Variants in SLAIN1 observed in about 807,000 individuals in gnomAD.
SLAIN1 encodes the protein SLAIN motif-containing protein 1.
A neutral mutation model predicts 55.4 loss-of-function variants in SLAIN1; 17 were observed. That is an observed-to-expected ratio of 0.31 (90% CI 0.21 to 0.46). The LOEUF (loss-of-function observed/expected upper bound fraction) is 0.46. SLAIN1 is among the 20% of genes least tolerant of loss of function. SLAIN1 has a pLI of 1.00. For missense variants in SLAIN1, 682 were observed against 785.1 expected (o/e 0.87, Z 1.57); for synonymous variants, 348 against 337.4 (o/e 1.03, Z -0.35).
In SLAIN1 at chr13:77,753,294, T is replaced by C. The variant is rs777327158; in HGVS notation, c.1350T>C (p.Asn450=). The change falls in exon 5 of 7, where the codon AAT becomes AAC. Residue 450 remains asparagine, a synonymous_variant. Coordinates refer to ENST00000418532, the MANE Select transcript of SLAIN1 (RefSeq NM_001242868.2). ...TTAGTTCTCCGGTCACCGTGCGAAA[T>C]AGTCAGAGTTTTGACTCAAGCTTGC... ...SNISSPVTVR[N]SQSFDSSLHG... 1.1e-5 allele frequency: 18 copies of C among 1,612,914 alleles called. No homozygotes were observed. The East Asian group carries it at 4.0e-4, about 36-fold the overall frequency.
At position 77,697,936 on chromosome 13, in the gene SLAIN1, G is replaced by T; in HGVS notation, c.23G>T (p.Cys8Phe). The T allele has an allele frequency of 7.0e-7, 1 of 1,420,852 alleles. No individual in the cohort carries two copies. Among genetic ancestry groups the T allele is most frequent in the Non-Finnish European group, 9.3e-7 (1 of 1,077,708 alleles). 88.0% of individuals were successfully genotyped at this position (1,420,852 alleles called of 1,614,324 possible). ...ACGATGATGGCGGAGCAGGTGAAAT[G>T]CGCCTCGGCAGGGGTCAGCTCTGGA... MMAEQVKCASAGVSSGAG... is the reference protein window; with the variant it reads MMAEQVKFASAGVSSGAG... Residue 8 changes from cysteine to phenylalanine, a missense_variant, in exon 1 of 7, where the codon TGC (cysteine) becomes TTC (phenylalanine). Cys to Phe is a radical substitution (Grantham distance 205). Coordinates refer to ENST00000418532, the MANE Select transcript of SLAIN1 (RefSeq NM_001242868.2).
intron 2 of SLAIN1, among the ~76,000 whole-genome samples, 199 bp downstream of exon 2, chr13:77,719,870 A>T (rs1402718701): frequency 1.3e-5 from 2 of 152,084 alleles, no homozygotes; most frequent in Admixed American, 6.6e-5. Flanking sequence ...GATTTTAGCC[A>T]TATTTTTAGT....
intron 2 of SLAIN1, among the ~76,000 whole-genome samples, chr13:77,731,389 G>A (rs1169413551): frequency 6.6e-6 from 1 of 152,176 alleles, no homozygotes; most frequent in East Asian, 1.9e-4. Flanking sequence ...GCAAATAAGT[G>A]TAGGAGCAAA....
At chr13:77,745,177 A>G (rs936333608) in intron 3 of SLAIN1, among the ~76,000 whole-genome samples, 1 of 152,072 alleles carries the variant, frequency 6.6e-6, no homozygotes, top group East Asian at 1.9e-4. Flanking sequence ...TGGATCTTTG[A>G]ACCTGTAGGT....
intron 1 of SLAIN1, among the ~76,000 whole-genome samples, chr13:77,707,842 G>A (rs963060206): frequency 1.3e-5 from 2 of 152,186 alleles, no homozygotes; most frequent in African/African-American, 4.8e-5. Context: ...AGTTTGGTGT[G>A]CCTGAAGTCA....
intron 4 of SLAIN1, among the ~76,000 whole-genome samples, chr13:77,748,047 T>G (rs1406335257): frequency 6.6e-5 from 10 of 152,162 alleles, no homozygotes; most frequent in Non-Finnish European, 1.5e-4. Flanking sequence ...TTCTCAAAGC[T>G]GGGTCCAGAT....
intron 1 of SLAIN1, among the ~76,000 whole-genome samples, chr13:77,710,170 C>A (rs1325807743): frequency 1.3e-5 from 2 of 152,178 alleles, no homozygotes; most frequent in Non-Finnish European, 2.9e-5. Flanking sequence ...ACCACATCAA[C>A]TAATGGGCAA....
chr13:77,757,907 T>G (rs9600926), intron 5 of SLAIN1, among the ~76,000 whole-genome samples: 1 of 152,144 alleles, frequency 6.6e-6, no homozygotes, highest in African/African-American at 2.4e-5. Flanking sequence ...TGAATGTGTC[T>G]TTTTTTCAAA....
intron 2 of SLAIN1, chr13:77,741,682 T>C (rs1873452439): frequency 6.6e-6 from 1 of 152,498 alleles, no homozygotes; most frequent in African/African-American, 2.4e-5. Context: ...ACTTGGTGTT[T>C]TGCAAGGATC....
chr13:77,757,189 C>T (rs1015314443), intron 5 of SLAIN1, among the ~76,000 whole-genome samples: 2 of 152,070 alleles, frequency 1.3e-5, no homozygotes, highest in Non-Finnish European at 2.9e-5. Context: ...CTATTATTAA[C>T]ATCTTGTGTT....
At chr13:77,747,381 C>T (rs1873911949) in intron 4 of SLAIN1, among the ~76,000 whole-genome samples, 1 of 152,106 alleles carries the variant, frequency 6.6e-6, no homozygotes, top group African/African-American at 2.4e-5. Flanking sequence ...AAACGCACAG[C>T]CTCAAGAAAA....
intron 2 of SLAIN1, among the ~76,000 whole-genome samples, chr13:77,728,361 G>A (rs1489286793): frequency 6.6e-6 from 1 of 152,122 alleles, no homozygotes; most frequent in Non-Finnish European, 1.5e-5. Flanking sequence ...CCAAAATGTG[G>A]CTCAGTTAAT....
chr13:77,755,005 G>A (rs764368126), intron 5 of SLAIN1, among the ~76,000 whole-genome samples: 6 of 152,190 alleles, frequency 3.9e-5, no homozygotes, highest in Non-Finnish European at 5.9e-5. Flanking sequence ...AAACCGAGAG[G>A]ACTAACAACT....
intron 2 of SLAIN1, among the ~76,000 whole-genome samples, chr13:77,723,937 A>T (rs1039456111): frequency 1.3e-5 from 2 of 151,706 alleles, no homozygotes; most frequent in African/African-American, 4.9e-5. Context: ...GAGATTAAAA[A>T]AAAAAAAAAA....
chr13:77,743,559 A>G (rs1873602319), intron 2 of SLAIN1: 1 of 153,190 alleles, frequency 6.5e-6, no homozygotes, highest in Non-Finnish European at 1.5e-5. Context: ...GAAAATAGTC[A>G]TAGTGGCTTT....
At chr13:77,762,417 A>G (rs896341150) in intron 6 of SLAIN1, among the ~76,000 whole-genome samples, 1 of 152,032 alleles carries the variant, frequency 6.6e-6, no homozygotes, top group Admixed American at 6.6e-5. Flanking sequence ...TTTTTATTTT[A>G]TCTATTCTTT....
intron 2 of SLAIN1, among the ~76,000 whole-genome samples, chr13:77,721,362 C>G (rs2154409734): frequency 6.6e-6 from 1 of 152,246 alleles, no homozygotes; most frequent in South Asian, 2.1e-4. Flanking sequence ...TATAAATTAC[C>G]CAGTCTCAGG....
intron 2 of SLAIN1, among the ~76,000 whole-genome samples, chr13:77,735,647 C>T (rs529284186): frequency 3.0e-4 from 45 of 152,216 alleles, no homozygotes; most frequent in African/African-American, 9.9e-4. Context: ...TTAAGTGTAT[C>T]TATGCTTCTA....
At chr13:77,731,172 T>C (rs1381400824) in intron 2 of SLAIN1, among the ~76,000 whole-genome samples, 1 of 152,116 alleles carries the variant, frequency 6.6e-6, no homozygotes, top group Non-Finnish European at 1.5e-5. Context: ...AAAAAAGCCA[T>C]GCACCTAGAT....
Sources: gnomAD v4.1 joint callset for allele counts (sites outside exome capture counted in the v4.1 genomes callset) on GRCh38, gnomAD v4.1.1 for gene constraint, MANE v1.5 for transcripts, NCBI Gene and HGNC (gene_info 2026-07-23, HGNC 2026-07-21) for gene names.